Variants in LRRC9 observed in about 807,000 individuals in gnomAD.
LRRC9 encodes the protein leucine rich repeat containing 9.
Under a neutral mutation model 63.2 loss-of-function variants are expected in LRRC9, and 122 were observed. That is an observed-to-expected ratio of 1.93 (90% CI 1.67 to 2.24). The LOEUF is 2.24. Ranked by LOEUF, LRRC9 falls within the 30% of genes most tolerant of loss-of-function variation. LRRC9 has a pLI of 0.00. For missense variants in LRRC9, 1,071 were observed against 627.7 expected (o/e 1.71, Z -7.55); for synonymous variants, 366 against 213.1 (o/e 1.72, Z -6.25).
intron 17 of LRRC9, among the ~76,000 whole-genome samples, chr14:59,993,691 C>G (rs1204083160): frequency 6.6e-6 from 1 of 152,104 alleles, no homozygotes; most frequent in East Asian, 1.9e-4. Context: ...GACTTTAAAC[C>G]AGCAAAGATC....
chr14:60,055,196 G>C (rs1894181941), intron 30 of LRRC9, among the ~76,000 whole-genome samples: 1 of 152,188 alleles, frequency 6.6e-6, no homozygotes, highest in Non-Finnish European at 1.5e-5. Context: ...AGATTATTTA[G>C]TTTAGGCAAA....
intron 17 of LRRC9, among the ~76,000 whole-genome samples, chr14:59,991,259 T>C (rs763960626): frequency 1.1e-4 from 16 of 152,244 alleles, no homozygotes; most frequent in Non-Finnish European, 1.9e-4. Flanking sequence ...GGACAATTTC[T>C]ATGCCCTTCT....
At chr14:60,014,445 G>A (rs1253199429) in intron 23 of LRRC9, among the ~76,000 whole-genome samples, 7 of 151,144 alleles carry the variant, frequency 4.6e-5, no homozygotes, top group African/African-American at 7.3e-5. Context: ...AGTTCTGCTG[G>A]TAACAGTTTG....
intron 1 of LRRC9, among the ~76,000 whole-genome samples, chr14:59,925,451 C>G (rs1392170446): frequency 6.6e-6 from 1 of 152,116 alleles, no homozygotes; most frequent in East Asian, 1.9e-4. Flanking sequence ...CTCCATCAAG[C>G]CCTTTAAATG....
rs900120962 is a variant in LRRC9, at chr14:59,938,018, G to A, written c.544-372G>A. Reference sequence around the variant, plus strand: ...GAGTGTTTCTAGGTGATAAGTACAGGAAATAGGGGTGAAGAAATCAGAGAC... The same window carrying A: ...GAGTGTTTCTAGGTGATAAGTACAGAAAATAGGGGTGAAGAAATCAGAGAC... On this transcript the variant is annotated intron_variant, in intron 6 of 31. Coordinates refer to ENST00000445360, the Ensembl canonical transcript of LRRC9. The surrounding 1 kb of genome is among the most constrained non-coding windows in gnomAD (Gnocchi z 4.2). Among the ~76,000 whole-genome samples, 1 of 152,128 alleles carries A rather than the reference G, an allele frequency of 6.6e-6. No homozygotes were observed. Among genetic ancestry groups the A allele is most frequent in the South Asian group, 2.1e-4 (1 of 4,830 alleles).
Position 60,003,607 on chromosome 14 carries a change from A to C in LRRC9, c.2665-14A>C. On this transcript the variant is annotated splice_polypyrimidine_tract_variant and intron_variant, in intron 20 of 31. Coordinates refer to ENST00000445360, the Ensembl canonical transcript of LRRC9. This position sits in a 1 kb window ranked among gnomAD's most constrained non-coding sequence, Gnocchi z 4.2. Reference sequence around the variant, plus strand: ...AAGATTTAGAAATAACATACAATGTAAATTATTCTACAGATAACTGCCTTA... The same window carrying C: ...AAGATTTAGAAATAACATACAATGTCAATTATTCTACAGATAACTGCCTTA... 1.6e-6 allele frequency: 1 copy of C among 636,050 alleles called. No homozygotes were observed. The allele number at this position is 636,050 out of a possible 1,614,324, so 39.4% of individuals were successfully genotyped here. A position where few individuals can be genotyped will look rare whatever the true frequency, so the allele number is the denominator to read the frequency against.
In LRRC9 at chr14:59,930,837, ATATACT is replaced by A. The variant is rs1253537837; in HGVS notation, c.268-78_268-73del. 18 of 279,334 alleles carry A rather than the reference ATATACT, an allele frequency of 6.4e-5. No homozygotes were observed. In the East Asian group the frequency reaches 7.7e-4, roughly 12 times the overall value. 17.3% of individuals were successfully genotyped at this position (279,334 alleles called of 1,614,324 possible). A position where few individuals can be genotyped will look rare whatever the true frequency, so the allele number is the denominator to read the frequency against. ...AATAAAATATGATATTTAAAAGAAAATATACTTAGAAACCTACTTCATTGGAAGGAT... is the reference window on the plus strand; with the variant it reads ...AATAAAATATGATATTTAAAAGAAAATAGAAACCTACTTCATTGGAAGGAT... On this transcript the variant is annotated intron_variant, in intron 3 of 31. Transcript: ENST00000445360. This position sits in a 1 kb window ranked among gnomAD's most constrained non-coding sequence, Gnocchi z 4.9.
intron 8 of LRRC9, among the ~76,000 whole-genome samples, chr14:59,952,970 C>T (rs940372377): frequency 4.6e-5 from 7 of 152,174 alleles, no homozygotes; most frequent in African/African-American, 7.2e-5. Flanking sequence ...CATCCATGTC[C>T]CTGCAAAGGA....
At position 59,927,664 on chromosome 14, in the gene LRRC9, A is replaced by G. The variant is rs1889322293; in HGVS notation, c.-33-247A>G. ...TTGAAGGCTCATCGTGTGGAAAAAA[A>G]GTTATACCGAGGAGGTATACTGACA... is the stretch of plus-strand genomic sequence containing the variant. On this transcript the variant is annotated intron_variant, in intron 1 of 31. Transcript: ENST00000445360. This position sits in a 1 kb window ranked among gnomAD's most constrained non-coding sequence, Gnocchi z 4.4. 6.6e-6 allele frequency among the ~76,000 whole-genome samples: 1 copy of G among 151,986 alleles called. No homozygotes were observed. The highest frequency in any genetic ancestry group is 1.5e-5 in the Non-Finnish European group (1 of 67,882).
intron 8 of LRRC9, among the ~76,000 whole-genome samples, chr14:59,952,209 GT>G (rs1202759514): frequency 6.6e-6 from 1 of 151,638 alleles, no homozygotes; most frequent in Admixed American, 6.6e-5. Flanking sequence ...GTGGTGCGCC[GT>G]TTTTTAAGCC....
At chr14:59,965,882 CAAAAAAAAAAAAAAAAAAAA>C (rs71111678) in intron 10 of LRRC9, among the ~76,000 whole-genome samples, 26 of 29,238 alleles carry the variant, frequency 8.9e-4, no homozygotes, top group East Asian at 4.4e-3. Flanking sequence ...GACTCCGCCT[CAAAAAAAAAAAAAAAAAAAA>C]AAAAAAAAAA....
chr14:59,992,301 AC>A (rs1489302211), intron 17 of LRRC9, among the ~76,000 whole-genome samples: 1 of 152,082 alleles, frequency 6.6e-6, no homozygotes, highest in Non-Finnish European at 1.5e-5. Context: ...CCACACCAAA[AC>A]CCCATCTGTA....
intron 13 of LRRC9, among the ~76,000 whole-genome samples, chr14:59,976,331 T>C (rs1886282500): frequency 6.6e-6 from 1 of 152,246 alleles, no homozygotes; most frequent in South Asian, 2.1e-4. Flanking sequence ...TTGTCTTCCA[T>C]GAAACCAGTC....
rs1440491905 is a variant in LRRC9 at position 59,958,110 on chromosome 14, A to AACCCACTTG, written c.883-1706_883-1698dup. ...CCAGTCAGGAGGCACGGGGGTCAGGAACCCACTTGAGCAGGCAGTCTGTCC... is the reference window on the plus strand; with the variant it reads ...CCAGTCAGGAGGCACGGGGGTCAGGAACCCACTTGACCCACTTGAGCAGGCAGTCTGTCC... On this transcript the variant is annotated intron_variant, in intron 8 of 31. Coordinates refer to ENST00000445360, the Ensembl canonical transcript of LRRC9. The surrounding 1 kb of genome is among the most constrained non-coding windows in gnomAD (Gnocchi z 4.0). Among the ~76,000 whole-genome samples the AACCCACTTG allele has an allele frequency of 6.6e-6, 1 of 152,178 alleles. No individual in the cohort carries two copies. Among genetic ancestry groups the AACCCACTTG allele is most frequent in the Non-Finnish European group, 1.5e-5 (1 of 68,006 alleles).
Position 59,967,295 on chromosome 14 carries a change from C to A in LRRC9, c.1506+82C>A, listed in dbSNP as rs1884958577. The A allele has an allele frequency of 8.2e-6, 4 of 489,806 alleles. No homozygotes were observed. In the South Asian group the frequency reaches 1.5e-4, roughly 19 times the overall value. The allele number at this position is 489,806 out of a possible 1,614,324, so 30.3% of individuals were successfully genotyped here. A position where few individuals can be genotyped will look rare whatever the true frequency, so the allele number is the denominator to read the frequency against. ...GCTGGTTAAGCATGATTTCCCAATC[C>A]TTTTATCCATATTTATAGTAAATTT... On this transcript the variant is annotated intron_variant, in intron 12 of 31. Transcript: ENST00000445360.
At chr14:59,981,213 T>A (rs1214263562) in intron 15 of LRRC9, among the ~76,000 whole-genome samples, 1 of 152,178 alleles carries the variant, frequency 6.6e-6, no homozygotes, top group Non-Finnish European at 1.5e-5. Context: ...TTTACTAAAT[T>A]TTTATTTTAA....
rs139000182 is a variant in LRRC9 at position 59,953,506 on chromosome 14, T to C, written c.883-6312T>C. ...CCTTCTTGTAAATTTGTTTGCAAAT[T>C]TGTAAATTTTTTCTTGTAAATTTGT... On this transcript the variant is annotated intron_variant, in intron 8 of 31. Transcript: ENST00000445360. Among the ~76,000 whole-genome samples, 8 of 152,272 alleles carry C rather than the reference T, an allele frequency of 5.3e-5. No individual in the cohort carries two copies. The East Asian group carries it at 1.6e-3, about 30-fold the overall frequency.
chr14:60,045,864 T>C (rs1169707757), intron 29 of LRRC9, among the ~76,000 whole-genome samples: 9 of 152,224 alleles, frequency 5.9e-5, no homozygotes, highest in Non-Finnish European at 8.8e-5. Context: ...TCTTCCACAA[T>C]GTTGGAACAA....
intron 13 of LRRC9, among the ~76,000 whole-genome samples, chr14:59,975,890 G>A (rs1886223514): frequency 1.3e-5 from 2 of 152,190 alleles, no homozygotes; most frequent in Non-Finnish European, 2.9e-5. Context: ...TTTGTGGCCT[G>A]TTAGGAACCT....
Sources: allele counts gnomAD v4.1 joint callset (sites outside exome capture counted in the v4.1 genomes callset), GRCh38; gene constraint gnomAD v4.1.1; non-coding constraint Gnocchi (gnomAD v3.1); transcripts MANE v1.5; gene names NCBI Gene and HGNC (gene_info 2026-07-23, HGNC 2026-07-21).